CTNNA3: variants seen among roughly 807,000 people sequenced by gnomAD.
The protein encoded by CTNNA3 is catenin alpha 3.
CTNNA3 carries 76 observed loss-of-function variants against 95.7 expected under a neutral mutation model. That is an observed-to-expected ratio of 0.79 (90% CI 0.66 to 0.96). The LOEUF (loss-of-function observed/expected upper bound fraction) is 0.96. Ranked by LOEUF, CTNNA3 falls within the 40% of genes least tolerant of loss-of-function variation. CTNNA3 has a pLI of 0.00. For missense variants in CTNNA3, 1,191 were observed against 1,089.8 expected, an observed-to-expected ratio of 1.09 and a Z score of -1.31; for synonymous variants, 431 against 374.4, an observed-to-expected ratio of 1.15 and a Z score of -1.74.
At chr10:66,725,305 T>C (rs934368351) in intron 9 of CTNNA3, among the ~76,000 whole-genome samples, 2 of 152,092 alleles carry the variant, frequency 1.3e-5, no homozygotes, top group Non-Finnish European at 2.9e-5. Flanking sequence ...AAAGAAATAT[T>C]AAGAGATCTA....
intron 13 of CTNNA3, among the ~76,000 whole-genome samples, chr10:66,192,644 T>C (rs1435216029): frequency 1.3e-5 from 2 of 152,170 alleles, no homozygotes; most frequent in Non-Finnish European, 2.9e-5. Context: ...CTAGTTTCAC[T>C]ACCCTGTGCT....
At chr10:66,057,063 C>A (rs1331872877) in intron 15 of CTNNA3, among the ~76,000 whole-genome samples, 1 of 152,136 alleles carries the variant, frequency 6.6e-6, no homozygotes, top group African/African-American at 2.4e-5. Context: ...TTTAGTCTAC[C>A]TGAAACTTCT....
At chr10:66,465,683 C>T (rs1589289340) in intron 11 of CTNNA3, among the ~76,000 whole-genome samples, 1 of 152,146 alleles carries the variant, frequency 6.6e-6, no homozygotes, top group African/African-American at 2.4e-5. Flanking sequence ...TGCTACAAGA[C>T]CCTGGTGACT....
At chr10:66,170,543 A>G (rs1375583992) in intron 13 of CTNNA3, among the ~76,000 whole-genome samples, 1 of 152,074 alleles carries the variant, frequency 6.6e-6, no homozygotes, top group Non-Finnish European at 1.5e-5. Context: ...CCAAACAGAT[A>G]AAATCCTTAC....
chr10:66,985,186 A>G (rs1303458749), intron 7 of CTNNA3, among the ~76,000 whole-genome samples: 3 of 152,204 alleles, frequency 2.0e-5, no homozygotes, highest in African/African-American at 7.2e-5. Context: ...GTCATGGGTG[A>G]GTAAAAAACA....
At chr10:67,678,431 C>T (rs1840571003) in intron 1 of CTNNA3, among the ~76,000 whole-genome samples, 1 of 152,088 alleles carries the variant, frequency 6.6e-6, no homozygotes. Context: ...TATCTCCTGC[C>T]TCTCTACCAG....
intron 13 of CTNNA3, among the ~76,000 whole-genome samples, chr10:66,203,558 A>T (rs187019711): frequency 6.6e-6 from 1 of 152,086 alleles, no homozygotes; most frequent in Non-Finnish European, 1.5e-5. Context: ...AAGGGCCATA[A>T]TTATAACATA....
intron 15 of CTNNA3, among the ~76,000 whole-genome samples, chr10:66,062,143 C>T (rs1409270945): frequency 6.6e-6 from 1 of 152,004 alleles, no homozygotes; most frequent in Non-Finnish European, 1.5e-5. Flanking sequence ...AGAGGATAAA[C>T]AAGAAAACAT....
chr10:66,092,038 C>T (rs2081232314), intron 14 of CTNNA3, among the ~76,000 whole-genome samples: 1 of 151,824 alleles, frequency 6.6e-6, no homozygotes, highest in Non-Finnish European at 1.5e-5. Context: ...ATTCAGTCTC[C>T]TCTGTATCAA....
chr10:67,479,970 A>G (rs533493255), intron 5 of CTNNA3, among the ~76,000 whole-genome samples: 1 of 152,310 alleles, frequency 6.6e-6, no homozygotes, highest in Admixed American at 6.5e-5. Flanking sequence ...CTCAATGCAC[A>G]TAAACTAGAA....
chr10:66,324,130 G>A (rs117075700), intron 12 of CTNNA3, among the ~76,000 whole-genome samples: 8,821 of 151,858 alleles, frequency 0.058, 412 homozygotes, highest in Middle Eastern at 0.1. Context: ...GTCCAGCCTG[G>A]CCAATATGGT....
intron 17 of CTNNA3, among the ~76,000 whole-genome samples, chr10:65,964,313 G>A (rs2077912990): frequency 6.6e-6 from 1 of 152,108 alleles, no homozygotes; most frequent in Non-Finnish European, 1.5e-5. Flanking sequence ...TATGCAAAAG[G>A]GGGCATGCTC....
chr10:67,100,985 T>C (rs189687435), intron 7 of CTNNA3, among the ~76,000 whole-genome samples: 6 of 151,880 alleles, frequency 4.0e-5, no homozygotes, highest in Non-Finnish European at 7.4e-5. Context: ...ATTTGACATG[T>C]TGTTTAGTAA....
intron 12 of CTNNA3, among the ~76,000 whole-genome samples, chr10:66,371,055 G>C (rs970903302): frequency 1.3e-5 from 2 of 152,056 alleles, no homozygotes; most frequent in African/African-American, 4.8e-5. Flanking sequence ...ACTAGTCTAT[G>C]CTGTTACAAA....
chr10:67,498,570 G>A (rs1202346407), intron 5 of CTNNA3, among the ~76,000 whole-genome samples: 1 of 152,172 alleles, frequency 6.6e-6, no homozygotes. Flanking sequence ...CCAAGAGCAC[G>A]AAATGTTTTT....
intron 15 of CTNNA3, among the ~76,000 whole-genome samples, chr10:66,025,940 C>T (rs558735366): frequency 2.6e-5 from 4 of 152,292 alleles, no homozygotes; most frequent in Admixed American, 1.3e-4. Context: ...AACATACACA[C>T]ACACTCACAT....
At chr10:66,071,580 T>C (rs567782402) in intron 14 of CTNNA3, among the ~76,000 whole-genome samples, 3 of 152,272 alleles carry the variant, frequency 2.0e-5, no homozygotes, top group South Asian at 4.1e-4. Context: ...ACACGAATAA[T>C]ATTGCCCACA....
At chr10:66,425,730 A>G (rs1393715448) in intron 11 of CTNNA3, among the ~76,000 whole-genome samples, 2 of 152,030 alleles carry the variant, frequency 1.3e-5, no homozygotes, top group Non-Finnish European at 2.9e-5. Context: ...ATTCACACAC[A>G]TGCTTTTTAT....
chr10:66,181,735 A>G (rs1189897771), intron 13 of CTNNA3, among the ~76,000 whole-genome samples: 1 of 152,234 alleles, frequency 6.6e-6, no homozygotes, highest in Non-Finnish European at 1.5e-5. Flanking sequence ...TCAGTGTTAC[A>G]ATTGTTATTT....
Sources: gnomAD v4.1 joint callset for allele counts (sites outside exome capture counted in the v4.1 genomes callset) on GRCh38, gnomAD v4.1.1 for gene constraint, MANE v1.5 for transcripts, NCBI Gene and HGNC (gene_info 2026-07-23, HGNC 2026-07-21) for gene names.